ARHGAP26: variants seen among roughly 807,000 people sequenced by gnomAD.
ARHGAP26 encodes rho GTPase-activating protein 26.
A neutral mutation model predicts 104.8 loss-of-function variants in ARHGAP26; 38 were observed. That is an observed-to-expected ratio of 0.36 (90% CI 0.28 to 0.48). ARHGAP26 has a LOEUF of 0.48. Ranked by LOEUF, ARHGAP26 falls within the 20% of genes least tolerant of loss-of-function variation. The pLI is 0.99. For missense variants in ARHGAP26, 704 were observed against 947.9 expected (o/e 0.74, Z 3.38); for synonymous variants, 341 against 340.0 (o/e 1.00, Z -0.03).
At chr5:142,887,869 G>T (rs912338942) in intron 5 of ARHGAP26, among the ~76,000 whole-genome samples, 2 of 152,272 alleles carry the variant, frequency 1.3e-5, no homozygotes, top group Middle Eastern at 3.4e-3. Context: ...GGAGGCTGAG[G>T]CAGGAGAATT....
chr5:142,980,451 C>T (rs556016263), intron 11 of ARHGAP26, among the ~76,000 whole-genome samples: 8 of 150,358 alleles, frequency 5.3e-5, no homozygotes, highest in South Asian at 2.1e-4. Flanking sequence ...TGCGGTGGTG[C>T]GATCTAGGCT....
At chr5:142,811,680 G>A (rs1348471954) in intron 1 of ARHGAP26, among the ~76,000 whole-genome samples, 3 of 151,912 alleles carry the variant, frequency 2.0e-5, no homozygotes, top group Non-Finnish European at 4.4e-5. Context: ...TACCTCCTGG[G>A]GTTATTGTTA....
intron 1 of ARHGAP26, among the ~76,000 whole-genome samples, chr5:142,854,687 A>T (rs13153374): frequency 0.071 from 10,748 of 152,286 alleles, 1,017 homozygotes; most frequent in African/African-American, 0.21. Context: ...GATCTGAATT[A>T]CTTTAACTTC....
intron 1 of ARHGAP26, among the ~76,000 whole-genome samples, chr5:142,830,301 G>A (rs769338187): frequency 6.6e-6 from 1 of 152,110 alleles, no homozygotes; most frequent in Non-Finnish European, 1.5e-5. Flanking sequence ...TAAATACCTG[G>A]CTGAGAAAAG....
intron 2 of ARHGAP26, among the ~76,000 whole-genome samples, chr5:142,874,108 C>G (rs26707): frequency 0.3 from 46,170 of 151,906 alleles, 7,630 homozygotes; most frequent in South Asian, 0.59. Flanking sequence ...GTGCTGTGGA[C>G]AGGGAGGTCC....
chr5:142,952,690 A>G (rs1343732179), intron 11 of ARHGAP26, among the ~76,000 whole-genome samples: 4 of 152,148 alleles, frequency 2.6e-5, no homozygotes, highest in Non-Finnish European at 5.9e-5. Context: ...GTTACTGTAT[A>G]TATTTTTTAG....
At chr5:142,987,288 T>C (rs955846684) in intron 11 of ARHGAP26, among the ~76,000 whole-genome samples, 1 of 148,040 alleles carries the variant, frequency 6.8e-6, no homozygotes, top group Non-Finnish European at 1.5e-5. Context: ...ATGATTTGGC[T>C]CTCTGTTTGC....
chr5:142,902,716 C>A (rs1213629133), intron 7 of ARHGAP26, among the ~76,000 whole-genome samples: 2 of 152,168 alleles, frequency 1.3e-5, no homozygotes, highest in Non-Finnish European at 2.9e-5. Flanking sequence ...GTTTTAGAAG[C>A]CTGGAGGTTA....
At chr5:142,993,236 C>T (rs1210407430) in intron 11 of ARHGAP26, among the ~76,000 whole-genome samples, 1 of 146,084 alleles carries the variant, frequency 6.8e-6, no homozygotes, top group Non-Finnish European at 1.5e-5. Flanking sequence ...GTGGCGCAAT[C>T]TCGGCTCACT....
At position 142,876,316 on chromosome 5, in the gene ARHGAP26, A is replaced by G. The variant is rs78182761; in HGVS notation, c.312+1145A>G. 7.9e-3 allele frequency among the ~76,000 whole-genome samples: 1,203 copies of G among 152,296 alleles called. 15 individuals are homozygous for G. The highest frequency in any genetic ancestry group is 0.028 in the African/African-American group (1,145 of 41,554). ...CACTATTCACCAAGATGCATTTTCT[A>G]TTTTAACCCCCATGATGACTCTGGG... On this transcript the variant is annotated intron_variant, in intron 3 of 22. Coordinates refer to ENST00000645722, the MANE Select transcript of ARHGAP26 (RefSeq NM_001135608.3).
Position 142,938,444 on chromosome 5 carries a change from C to T in ARHGAP26, c.1107+6319C>T, listed in dbSNP as rs142812128. ...ATGACTTTTCATATTAAATTGGACA[C>T]GGAAACCTTAGTTCAGACTGCATAA... On this transcript the variant is annotated intron_variant, in intron 11 of 22. Transcript: ENST00000645722. Among the ~76,000 whole-genome samples, 161 of 152,236 alleles carry T rather than the reference C, an allele frequency of 1.1e-3. 3 individuals carry two copies. The highest frequency in any genetic ancestry group is 2.8e-3 in the African/African-American group (117 of 41,538).
chr5:143,017,629 G>C (rs945263925), intron 12 of ARHGAP26, among the ~76,000 whole-genome samples: 2 of 151,992 alleles, frequency 1.3e-5, no homozygotes, highest in African/African-American at 4.8e-5. Context: ...AATGGTTCTG[G>C]GTCTTGTTTT....
intron 18 of ARHGAP26, among the ~76,000 whole-genome samples, chr5:143,121,944 T>C (rs538557747): frequency 6.6e-6 from 1 of 152,242 alleles, no homozygotes; most frequent in African/African-American, 2.4e-5. Flanking sequence ...ATAAAAACTT[T>C]GCCTAGAATG....
intron 20 of ARHGAP26, among the ~76,000 whole-genome samples, chr5:143,170,909 T>C (rs1018534054): frequency 6.6e-6 from 1 of 152,146 alleles, no homozygotes; most frequent in Non-Finnish European, 1.5e-5. Flanking sequence ...TTCTCTGGTA[T>C]CGTTCAAGTA....
chr5:143,007,758 A>G (rs959974478), intron 11 of ARHGAP26, among the ~76,000 whole-genome samples: 2 of 152,224 alleles, frequency 1.3e-5, no homozygotes, highest in African/African-American at 2.4e-5. Flanking sequence ...AACGCTTAGT[A>G]TGGTGTTTGG....
chr5:143,141,235 G>A (rs2150947133), intron 19 of ARHGAP26, among the ~76,000 whole-genome samples: 1 of 152,360 alleles, frequency 6.6e-6, no homozygotes, highest in African/African-American at 2.4e-5. Context: ...CAGGAAAAAA[G>A]TTCCAGCTAG....
rs146765883 is a variant in ARHGAP26, at chr5:143,114,845, A to G, written c.1539-6143A>G. Among the ~76,000 whole-genome samples the G allele has an allele frequency of 2.8e-3, 424 of 152,224 alleles. 2 individuals are homozygous for G. Among genetic ancestry groups the G allele is most frequent in the African/African-American group, 8.4e-3 (350 of 41,536 alleles). ...AGGAAAAAGCTTGGTATGGCCTCCA[A>G]TGGTCAGTGGAGTGCTCAGAACTGT... is the stretch of plus-strand genomic sequence containing the variant. On this transcript the variant is annotated intron_variant, in intron 17 of 22. Coordinates refer to ENST00000645722, the MANE Select transcript of ARHGAP26 (RefSeq NM_001135608.3).
chr5:142,935,259 G>A (rs1765247360), intron 11 of ARHGAP26, among the ~76,000 whole-genome samples: 1 of 152,128 alleles, frequency 6.6e-6, no homozygotes, highest in Admixed American at 6.6e-5. Context: ...TTTCCAACAC[G>A]TTCTTTTCAG....
intron 20 of ARHGAP26, among the ~76,000 whole-genome samples, chr5:143,162,172 G>A (rs1220347159): frequency 1.3e-5 from 2 of 151,764 alleles, no homozygotes; most frequent in Admixed American, 6.6e-5. Flanking sequence ...CCCCTCTGTA[G>A]CATCCATATA....
Sources: allele counts gnomAD v4.1 joint callset (sites outside exome capture counted in the v4.1 genomes callset), GRCh38; gene constraint gnomAD v4.1.1; transcripts MANE v1.5; gene names NCBI Gene and HGNC (gene_info 2026-07-23, HGNC 2026-07-21).